The following HTR7 variants were observed in gnomAD, a reference collection of about 807,000 sequenced individuals.
HTR7 encodes 5-HT-7.
Under a neutral mutation model 34.0 loss-of-function variants are expected in HTR7, and 16 were observed. The observed-to-expected ratio is 0.47, with a 90% CI of 0.32 to 0.71. The LOEUF (loss-of-function observed/expected upper bound fraction) is 0.71. Among genes scored for constraint, HTR7 ranks in the 30% least tolerant of loss-of-function variants. The pLI is 0.04. For synonymous variants in HTR7, 265 were observed against 260.2 expected (o/e 1.02, Z -0.18); for missense variants, 504 against 625.5 (o/e 0.81, Z 2.07).
intron 1 of HTR7, among the ~76,000 whole-genome samples, chr10:90,832,725 A>G (rs995219248): frequency 6.6e-6 from 1 of 152,186 alleles, no homozygotes; most frequent in Admixed American, 6.5e-5. Context: ...AGCTGCCAGC[A>G]CGCTGTCACC....
At chr10:90,769,393 TTTCCA>T (rs1333501692) in intron 1 of HTR7, among the ~76,000 whole-genome samples, 1 of 152,240 alleles carries the variant, frequency 6.6e-6, no homozygotes, top group Non-Finnish European at 1.5e-5. Flanking sequence ...AATTTGCCCA[TTTCCA>T]TTAATCTTCC....
rs529253806 is a variant in HTR7, at chr10:90,834,389, G to A, written c.539+22744C>T. Among the ~76,000 whole-genome samples, 8 of 151,966 alleles carry A rather than the reference G, an allele frequency of 5.3e-5. No individual in the cohort carries two copies. In the East Asian group the frequency reaches 5.8e-4, roughly 11 times the overall value. The stretch of plus-strand genomic sequence containing the variant: ...TAAATATGGGAACATAAATTCGGGG[G>A]GTGGGGGAAATCACTAAAGGCCTGC... On this transcript the variant is annotated intron_variant, in intron 1 of 3. Transcript: ENST00000336152.
At chr10:90,828,702 G>T (rs1180272903) in intron 1 of HTR7, among the ~76,000 whole-genome samples, 2 of 151,890 alleles carry the variant, frequency 1.3e-5, no homozygotes, top group Non-Finnish European at 2.9e-5. Context: ...CTGTAATAAA[G>T]AATCTCCCAG....
intron 1 of HTR7, among the ~76,000 whole-genome samples, chr10:90,854,252 G>A (rs1846545809): frequency 6.6e-6 from 1 of 152,120 alleles, no homozygotes; most frequent in South Asian, 2.1e-4. Context: ...ATTTGCAGGG[G>A]CTCAGGCACG....
chr10:90,789,738 A>G (rs1221005879), intron 1 of HTR7, among the ~76,000 whole-genome samples: 1 of 152,188 alleles, frequency 6.6e-6, no homozygotes, highest in African/African-American at 2.4e-5. Context: ...TTATGATGGT[A>G]TACTGTCTGT....
Position 90,749,420 on chromosome 10 carries a change from G to A in HTR7, c.714C>T (p.Gly238=). Residue 238 remains glycine (G), a synonymous_variant, in exon 2 of 4, where the codon GGC becomes GGT. Transcript: ENST00000336152. This position sits in a 1 kb window ranked among gnomAD's most constrained non-coding sequence, Gnocchi z 4.2. ...CCACTGCGGTAGAGTAAATCGTATA[G>A]CCAAAGTCCTGGCTGATCAAGCACA... The part of the protein sequence containing the change: ...DKVCLISQDF[G]YTIYSTAVAF... 6.2e-7 allele frequency: 1 copy of A among 1,614,162 alleles called. No individual in the cohort carries two copies. The highest frequency in any genetic ancestry group is 8.5e-7 in the Non-Finnish European group (1 of 1,180,034).
At chr10:90,856,898 T>G (rs977360720) in intron 1 of HTR7, among the ~76,000 whole-genome samples, 10 of 152,212 alleles carry the variant, frequency 6.6e-5, no homozygotes, top group African/African-American at 2.4e-4. Flanking sequence ...TGGTCTTAAA[T>G]TCGTCACTAC....
rs192800506 is a variant in HTR7 at position 90,836,544 on chromosome 10, C to T, written c.539+20589G>A. Among the ~76,000 whole-genome samples the T allele has an allele frequency of 4.0e-5, 6 of 150,940 alleles. No individual in the cohort carries two copies. The East Asian group carries it at 5.8e-4, about 15-fold the overall frequency. On this transcript the variant is annotated intron_variant, in intron 1 of 3. Coordinates refer to ENST00000336152, the MANE Select transcript of HTR7 (RefSeq NM_019859.4). ...TTTTAAAATTTGAGACAGGGTCTTG[C>T]TCTGTTGCTCACGCTGGAGTACAGT... is the stretch of plus-strand genomic sequence containing the variant.
intron 1 of HTR7, among the ~76,000 whole-genome samples, chr10:90,766,806 C>T (rs1256206661): frequency 1.3e-5 from 2 of 152,196 alleles, no homozygotes; most frequent in African/African-American, 2.4e-5. Flanking sequence ...GCACATAAAA[C>T]TCTACAGTCA....
intron 1 of HTR7, among the ~76,000 whole-genome samples, chr10:90,819,782 C>T (rs137889759): frequency 6.6e-6 from 1 of 151,790 alleles, no homozygotes; most frequent in East Asian, 1.9e-4. Context: ...TTCCCACTAG[C>T]TTTGAGGAAG....
intron 1 of HTR7, among the ~76,000 whole-genome samples, chr10:90,773,244 C>T (rs1845146677): frequency 6.6e-6 from 1 of 152,160 alleles, no homozygotes; most frequent in Non-Finnish European, 1.5e-5. Context: ...GGGATAGTCA[C>T]AAGTGTTTAA....
intron 1 of HTR7, among the ~76,000 whole-genome samples, chr10:90,830,710 C>A (rs1300758023): frequency 6.6e-6 from 1 of 150,626 alleles, no homozygotes; most frequent in African/African-American, 2.4e-5. Flanking sequence ...ATCGCTTAAG[C>A]CCGGGAGATG....
chr10:90,835,217 C>T (rs1280648779), intron 1 of HTR7, among the ~76,000 whole-genome samples: 4 of 152,158 alleles, frequency 2.6e-5, no homozygotes, highest in African/African-American at 9.7e-5. Context: ...TGGAAAGTAA[C>T]CCAATAAGCT....
intron 1 of HTR7, among the ~76,000 whole-genome samples, chr10:90,821,134 GCACACACA>G (rs3035231): frequency 2.0e-5 from 3 of 150,204 alleles, no homozygotes; most frequent in Non-Finnish European, 3.0e-5. Flanking sequence ...ACACACACAT[GCACACACA>G]CACACACACA....
Position 90,743,643 on chromosome 10 carries a change from G to C in HTR7, c.1343C>G (p.Pro448Arg), listed in dbSNP as rs33954285. 10,596 of 1,613,886 alleles carry C rather than the reference G, an allele frequency of 6.6e-3. 135 individuals carry two copies. Among genetic ancestry groups the C allele is most frequent in the African/African-American group, 0.051 (3,819 of 74,984 alleles). Reference sequence around the variant, plus strand: ...AGATTGTAGCACCCACACAGATACCGGTGGCCTCTTTTCTGGTCTCAACAG... The same window carrying C: ...AGATTGTAGCACCCACACAGATACCCGTGGCCTCTTTTCTGGTCTCAACAG... The part of the protein sequence containing the change: ...RVLLRPEKRP[P>R]VSVWVLQSPD... The change falls in exon 3 of 4, where the codon CCG becomes CGG. Residue 448 changes from proline (P) to arginine (R), a missense_variant. By Grantham distance (103) the Pro-to-Arg change is moderately radical. Transcript: ENST00000336152.
Position 90,857,656 on chromosome 10 carries a change from T to G in HTR7, c.16A>C (p.Ser6Arg). The change falls in exon 1 of 4, where the codon AGC becomes CGC. Residue 6 changes from serine to arginine, a missense_variant. By Grantham distance (110) the Ser-to-Arg change is moderately radical (BLOSUM62 -1). Around this residue, in one of 4 missense-constraint regions of HTR7, gnomAD observed 139 missense variants for 117.1 expected, o/e 1.19. Coordinates refer to ENST00000336152, the MANE Select transcript of HTR7 (RefSeq NM_019859.4). This position sits in a 1 kb window ranked among gnomAD's most constrained non-coding sequence, Gnocchi z 6.5. Reference protein sequence around the residue: MMDVNSSGRPDLYGHL... With the variant: MMDVNRSGRPDLYGHL... ...CCGTAGAGGTCCGGGCGGCCGCTGC[T>G]GTTAACGTCCATCATCGCGCCGCCG... 1 of 1,584,908 alleles carries G rather than the reference T, an allele frequency of 6.3e-7. No individual in the cohort carries two copies. Among genetic ancestry groups the G allele is most frequent in the East Asian group, 2.3e-5 (1 of 42,982 alleles).
chr10:90,844,114 C>T (rs1355309034), intron 1 of HTR7, among the ~76,000 whole-genome samples: 3 of 152,178 alleles, frequency 2.0e-5, no homozygotes, highest in African/African-American at 7.2e-5. Context: ...TTGCCAACCC[C>T]TGATTTAGTG....
At chr10:90,812,924 G>A (rs1404911482) in intron 1 of HTR7, among the ~76,000 whole-genome samples, 3 of 152,056 alleles carry the variant, frequency 2.0e-5, no homozygotes, top group Non-Finnish European at 2.9e-5. Flanking sequence ...GCCCTGCCCC[G>A]CCTTAACTGA....
At chr10:90,845,549 C>G (rs1589480270) in intron 1 of HTR7, among the ~76,000 whole-genome samples, 1 of 152,136 alleles carries the variant, frequency 6.6e-6, no homozygotes, top group East Asian at 1.9e-4. Context: ...TCGAAAAACA[C>G]CCTCACAAGG....
Sources: allele counts gnomAD v4.1 joint callset (sites outside exome capture counted in the v4.1 genomes callset), GRCh38; gene constraint gnomAD v4.1.1; regional missense constraint gnomAD v4.1.1; non-coding constraint Gnocchi (gnomAD v3.1); transcripts MANE v1.5; gene names NCBI Gene and HGNC (gene_info 2026-07-23, HGNC 2026-07-21).